SNX7: variants seen among roughly 807,000 people sequenced by gnomAD.
SNX7 encodes the protein sorting nexin-7.
A neutral mutation model predicts 48.4 loss-of-function variants in SNX7; 35 were observed. The ratio of observed to expected loss-of-function variants is 0.72; its 90% CI spans 0.55 to 0.96. SNX7 has a LOEUF of 0.96. Among genes scored for constraint, SNX7 ranks in the 40% least tolerant of loss-of-function variants. The probability of loss-of-function intolerance (pLI) is 0.00; values close to 1 mark genes in which losing one functional copy is unlikely to be tolerated. For synonymous variants in SNX7, 190 were observed against 190.2 expected (o/e 1.00, Z 0.01); for missense variants, 553 against 548.9 (o/e 1.01, Z -0.07).
intron 1 of SNX7, among the ~76,000 whole-genome samples, chr1:98,662,973 T>G (rs1229937271): frequency 6.6e-6 from 1 of 152,226 alleles, no homozygotes; most frequent in East Asian, 1.9e-4. Flanking sequence ...GTATTCCGAA[T>G]ATTTAAACAG....
intron 7 of SNX7, among the ~76,000 whole-genome samples, chr1:98,728,272 T>C (rs1653299603): frequency 1.3e-5 from 2 of 152,182 alleles, no homozygotes; most frequent in Non-Finnish European, 2.9e-5. Context: ...CAGAATCTCA[T>C]ATCTGGCCAA....
chr1:98,679,807 G>C (rs1291091926), intron 1 of SNX7, among the ~76,000 whole-genome samples: 1 of 152,180 alleles, frequency 6.6e-6, no homozygotes, highest in Non-Finnish European at 1.5e-5. Flanking sequence ...TGCCCCTGTG[G>C]CTTTGCAGGG....
chr1:98,693,493 A>C (rs996232292), intron 4 of SNX7, among the ~76,000 whole-genome samples: 1 of 152,214 alleles, frequency 6.6e-6, no homozygotes, highest in Non-Finnish European at 1.5e-5. Flanking sequence ...ACTTATGTGA[A>C]ATGAATATGC....
chr1:98,667,958 A>G (rs1649632670), intron 1 of SNX7, among the ~76,000 whole-genome samples: 1 of 152,036 alleles, frequency 6.6e-6, no homozygotes, highest in Admixed American at 6.6e-5. Flanking sequence ...AAACAATAAA[A>G]CAAAATAGGG....
At chr1:98,697,741 T>C (rs1651538228) in intron 5 of SNX7, among the ~76,000 whole-genome samples, 1 of 152,122 alleles carries the variant, frequency 6.6e-6, no homozygotes. Context: ...AAGACATCTA[T>C]AATACAGTGG....
chr1:98,688,482 A>C (rs181770398), intron 2 of SNX7, among the ~76,000 whole-genome samples: 3 of 152,344 alleles, frequency 2.0e-5, no homozygotes, highest in Admixed American at 6.5e-5. Flanking sequence ...CCTCTTTGTG[A>C]AAACAAACCT....
chr1:98,667,925 AAAACAAAAC>A (rs1570480898), intron 1 of SNX7, among the ~76,000 whole-genome samples: 1 of 151,774 alleles, frequency 6.6e-6, no homozygotes, highest in East Asian at 1.9e-4. Context: ...AAAAACAAAA[AAAACAAAAC>A]AAACAAACAA....
In SNX7 at chr1:98,700,708, C is replaced by T. The variant is rs1372146732; in HGVS notation, c.1039-1109C>T. Among the ~76,000 whole-genome samples the T allele has an allele frequency of 6.6e-5, 10 of 152,170 alleles. No individual in the cohort carries two copies. In the East Asian group the frequency reaches 1.9e-3, roughly 29 times the overall value. On this transcript the variant is annotated intron_variant, in intron 6 of 8. Coordinates refer to ENST00000306121, the MANE Select transcript of SNX7 (RefSeq NM_015976.5). ...GTGATATAGGTGTGAACTACTGTGC[C>T]TGGCCTGCTTTGAATGTCTTAAGAG...
chr1:98,661,900 G>A lies in SNX7; in HGVS notation c.169G>A (p.Val57Met), dbSNP rs1649247849. 1 of 1,247,494 alleles carries A rather than the reference G, an allele frequency of 8.0e-7. No individual in the cohort carries two copies. The highest frequency in any genetic ancestry group is 1.0e-6 in the Non-Finnish European group (1 of 987,582). 77.3% of individuals were successfully genotyped at this position (1,247,494 alleles called of 1,614,324 possible). Reference protein sequence around the residue: ...DLDEDEDDLEVFSKDASLMDM... With the variant: ...DLDEDEDDLEMFSKDASLMDM... ...GGACGAGGACGAGGACGACCTGGAG[G>A]TGTTCAGCAAGGTGAGGGCGGCGGC... Residue 57 changes from valine (V) to methionine (M), a missense_variant, in exon 1 of 9, where the codon GTG (valine) becomes ATG (methionine). Transcript: ENST00000306121.
At chr1:98,672,136 A>C (rs1649902411) in intron 1 of SNX7, among the ~76,000 whole-genome samples, 1 of 152,100 alleles carries the variant, frequency 6.6e-6, no homozygotes, top group African/African-American at 2.4e-5. Flanking sequence ...GCTGCAGTAC[A>C]ACCTCGAGAT....
At chr1:98,669,316 G>A (rs9729920) in intron 1 of SNX7, among the ~76,000 whole-genome samples, 150,128 of 152,282 alleles carry the variant, frequency 0.99, 74,027 homozygotes, top group Middle Eastern at 1. Context: ...CTATGTTTGG[G>A]GTGGTTGTGT....
At chr1:98,712,298 A>C (rs985016101) in intron 7 of SNX7, among the ~76,000 whole-genome samples, 1 of 152,198 alleles carries the variant, frequency 6.6e-6, no homozygotes, top group Non-Finnish European at 1.5e-5. Context: ...CCATCAAGGG[A>C]ATCACAATCT....
At chr1:98,739,216 G>T (rs979200632) in intron 8 of SNX7, among the ~76,000 whole-genome samples, 1 of 152,046 alleles carries the variant, frequency 6.6e-6, no homozygotes, top group Non-Finnish European at 1.5e-5. Context: ...ATCTAATGCT[G>T]CCTCTGATCT....
intron 8 of SNX7, among the ~76,000 whole-genome samples, chr1:98,742,487 G>A (rs377717358): frequency 3.3e-5 from 5 of 152,044 alleles, no homozygotes; most frequent in Admixed American, 6.6e-5. Flanking sequence ...GCAGTTTGTC[G>A]TTAAGTGAAT....
chr1:98,737,805 A>G (rs1021770204), intron 7 of SNX7, among the ~76,000 whole-genome samples: 1 of 152,220 alleles, frequency 6.6e-6, no homozygotes, highest in Non-Finnish European at 1.5e-5. Flanking sequence ...GCTTCAGCTA[A>G]AAACCATTAA....
chr1:98,685,056 A>T lies in SNX7; in HGVS notation c.352A>T (p.Ile118Phe), dbSNP rs1201503070. ...AATAGAAACTTTCATTACGTATAGG[A>T]TTATTACTAAGGTAAACATTTGGTG... ...TTIETFITYRIITKTSRGEFD... is the reference protein window; with the variant it reads ...TTIETFITYRFITKTSRGEFD... Residue 118 changes from isoleucine (I) to phenylalanine (F), a missense_variant, in exon 2 of 9, where the codon ATT becomes TTT. Coordinates refer to ENST00000306121, the MANE Select transcript of SNX7 (RefSeq NM_015976.5). 3 of 1,499,216 alleles carry T rather than the reference A, an allele frequency of 2.0e-6. No individual in the cohort carries two copies. Among genetic ancestry groups the T allele is most frequent in the Non-Finnish European group, 2.7e-6 (3 of 1,115,462 alleles). 92.9% of individuals were successfully genotyped at this position (1,499,216 alleles called of 1,614,324 possible).
At chr1:98,754,474 G>A (rs1054301924) in intron 8 of SNX7, among the ~76,000 whole-genome samples, 1 of 151,988 alleles carries the variant, frequency 6.6e-6, no homozygotes, top group Non-Finnish European at 1.5e-5. Context: ...AGAAATTTGT[G>A]TATGTGTATG....
In SNX7 at chr1:98,691,632, G is replaced by A. The variant is rs533070289; in HGVS notation, c.572G>A (p.Arg191Gln). 8.1e-6 allele frequency: 13 copies of A among 1,610,758 alleles called. No homozygotes were observed. The highest frequency in any genetic ancestry group is 2.7e-5 in the African/African-American group (2 of 74,702). Residue 191 changes from arginine (R) to glutamine (Q), a missense_variant, in exon 4 of 9, where the codon CGA becomes CAA. Physicochemically the swap from Arg to Gln is conservative, Grantham distance 43. Coordinates refer to ENST00000306121, the MANE Select transcript of SNX7 (RefSeq NM_015976.5). ...AAGGCTTTACATAAATTTTTGAACCGAATTGCTGATCATCCAACTTTAACA... is the reference window on the plus strand; with the variant it reads ...AAGGCTTTACATAAATTTTTGAACCAAATTGCTGATCATCCAACTTTAACA... ...RRKALHKFLNRIADHPTLTFN... is the reference protein window; with the variant it reads ...RRKALHKFLNQIADHPTLTFN...
At chr1:98,703,385 A>AATT (rs1651849180) in intron 7 of SNX7, among the ~76,000 whole-genome samples, 1 of 152,144 alleles carries the variant, frequency 6.6e-6, no homozygotes. Flanking sequence ...TGCAACTTAG[A>AATT]ATTATTATAC....
Sources: gnomAD v4.1 joint callset for allele counts (sites outside exome capture counted in the v4.1 genomes callset) on GRCh38, gnomAD v4.1.1 for gene constraint, MANE v1.5 for transcripts, NCBI Gene and HGNC (gene_info 2026-07-23, HGNC 2026-07-21) for gene names.